The following TMCC1 variants were observed in gnomAD, a reference collection of about 807,000 sequenced individuals.
TMCC1 encodes the protein transmembrane and coiled-coil domain family 1, also known as transmembrane and coiled-coil domains protein 1.
TMCC1 carries 15 observed loss-of-function variants against 52.4 expected under a neutral mutation model. The observed-to-expected ratio is 0.29, with a 90% CI of 0.19 to 0.44. The LOEUF is 0.44. Ranked by LOEUF, TMCC1 falls within the 20% of genes least tolerant of loss-of-function variation. The pLI, the probability that TMCC1 is intolerant of heterozygous loss-of-function variation, is 1.00. For missense variants in TMCC1, 503 were observed against 806.0 expected, an observed-to-expected ratio of 0.62 and a Z score of 4.55; for synonymous variants, 279 against 301.9, an observed-to-expected ratio of 0.92 and a Z score of 0.79.
At chr3:129,731,984 C>T (rs941271994) in intron 4 of TMCC1, among the ~76,000 whole-genome samples, 3 of 152,198 alleles carry the variant, frequency 2.0e-5, no homozygotes, top group Non-Finnish European at 4.4e-5. Flanking sequence ...CTACACATCA[C>T]TTCATTCACA....
At chr3:129,722,293 C>T (rs750146653) in intron 4 of TMCC1, among the ~76,000 whole-genome samples, 13 of 152,070 alleles carry the variant, frequency 8.5e-5, no homozygotes, top group African/African-American at 1.7e-4. Flanking sequence ...TTATGAACTG[C>T]GCTTGCGAGG....
chr3:129,845,323 T>A (rs185159406), intron 2 of TMCC1, among the ~76,000 whole-genome samples: 151 of 151,486 alleles, frequency 1.0e-3, no homozygotes, highest in African/African-American at 3.4e-3. Flanking sequence ...GAGCAATCAA[T>A]AGAAGAAAAA....
At chr3:129,780,908 C>T (rs1229083813) in intron 4 of TMCC1, among the ~76,000 whole-genome samples, 2 of 152,012 alleles carry the variant, frequency 1.3e-5, no homozygotes, top group African/African-American at 2.4e-5. Flanking sequence ...CTACAGGTTG[C>T]TAGTTAAATT....
intron 4 of TMCC1, among the ~76,000 whole-genome samples, chr3:129,735,211 ATATTT>A (rs1192389290): frequency 1.3e-5 from 2 of 152,224 alleles, no homozygotes; most frequent in African/African-American, 4.8e-5. Flanking sequence ...TCTGTTTGAA[ATATTT>A]TATAACACAA....
At chr3:129,710,672 G>A (rs1301882977) in intron 4 of TMCC1, among the ~76,000 whole-genome samples, 2 of 152,078 alleles carry the variant, frequency 1.3e-5, no homozygotes, top group African/African-American at 4.8e-5. Context: ...TATGCTAAAC[G>A]CAAAAAACAA....
At chr3:129,718,408 CCT>C (rs1335071227) in intron 4 of TMCC1, among the ~76,000 whole-genome samples, 1 of 152,198 alleles carries the variant, frequency 6.6e-6, no homozygotes. Context: ...GTGACCAGTT[CCT>C]CTCTCCAGTA....
At chr3:129,662,762 G>A (rs1014206719) in intron 5 of TMCC1, among the ~76,000 whole-genome samples, 2 of 152,096 alleles carry the variant, frequency 1.3e-5, no homozygotes, top group African/African-American at 2.4e-5. Context: ...TGATGTTCAC[G>A]CACCTCCGCT....
chr3:129,751,717 C>T (rs371074472), intron 4 of TMCC1, among the ~76,000 whole-genome samples: 7 of 152,028 alleles, frequency 4.6e-5, no homozygotes, highest in South Asian at 2.1e-4. Context: ...CATGCCACTA[C>T]GCCCAGCTAA....
chr3:129,889,527 G>C (rs528073614), intron 1 of TMCC1, among the ~76,000 whole-genome samples: 1 of 152,324 alleles, frequency 6.6e-6, no homozygotes, highest in South Asian at 2.1e-4. Context: ...TGATCACAGG[G>C]ATGTAAGACG....
intron 4 of TMCC1, among the ~76,000 whole-genome samples, chr3:129,821,540 T>C (rs1286666134): frequency 2.0e-5 from 3 of 152,222 alleles, no homozygotes; most frequent in African/African-American, 7.2e-5. Context: ...AAGTTCATTT[T>C]ATGAGTTCAT....
chr3:129,834,306 T>C (rs2059056377), intron 2 of TMCC1, among the ~76,000 whole-genome samples: 1 of 152,166 alleles, frequency 6.6e-6, no homozygotes, highest in Non-Finnish European at 1.5e-5. Context: ...CATTTCTGAA[T>C]AGGGGAAATA....
chr3:129,748,193 G>A (rs1053742987), intron 4 of TMCC1, among the ~76,000 whole-genome samples: 2 of 149,374 alleles, frequency 1.3e-5, no homozygotes, highest in Admixed American at 1.3e-4. Context: ...TCTCAAAACT[G>A]TATTGAAATA....
chr3:129,849,461 CAAA>C (rs564418353), intron 2 of TMCC1, among the ~76,000 whole-genome samples: 1 of 132,710 alleles, frequency 7.5e-6, no homozygotes, highest in African/African-American at 2.9e-5. Flanking sequence ...GACTCCATCT[CAAA>C]AAAAAAAAAA....
At chr3:129,799,915 A>G (rs909885418) in intron 4 of TMCC1, among the ~76,000 whole-genome samples, 19 of 152,230 alleles carry the variant, frequency 1.2e-4, no homozygotes, top group African/African-American at 4.1e-4. Flanking sequence ...AAACACATTC[A>G]CTGTTATATA....
chr3:129,868,470 G>A (rs1420683881), intron 2 of TMCC1, among the ~76,000 whole-genome samples: 1 of 152,106 alleles, frequency 6.6e-6, no homozygotes. Context: ...ATAGAGTCTT[G>A]CTCTGTTGCC....
rs2086134209 is a variant in TMCC1 at position 129,648,216 on chromosome 3, T to A, written c.*3265A>T. On this transcript the variant is annotated 3_prime_UTR_variant, in exon 7 of 7. Transcript: ENST00000393238. The stretch of plus-strand genomic sequence containing the variant: ...TCCAAAGCTGAAAGGCAGCTCCTCA[T>A]TGGAACTCTCTCAGAACTCAGCATT... 1 of 152,250 alleles carries A rather than the reference T, an allele frequency of 6.6e-6. No homozygotes were observed. The allele number at this position is 152,250 out of a possible 1,614,324, so 9.4% of individuals were successfully genotyped here. A position where few individuals can be genotyped will look rare whatever the true frequency, so the allele number is the denominator to read the frequency against.
At chr3:129,810,232 C>T (rs930803921) in intron 4 of TMCC1, among the ~76,000 whole-genome samples, 2 of 151,986 alleles carry the variant, frequency 1.3e-5, no homozygotes, top group South Asian at 2.1e-4. Context: ...GTGGCGGGCA[C>T]GTGTAGTCCC....
At chr3:129,677,859 C>A (rs2088593281) in intron 4 of TMCC1, among the ~76,000 whole-genome samples, 1 of 152,196 alleles carries the variant, frequency 6.6e-6, no homozygotes, top group Non-Finnish European at 1.5e-5. Flanking sequence ...CTCACACTTC[C>A]CTTAATACTA....
chr3:129,756,274 T>C (rs1180170369), intron 4 of TMCC1, among the ~76,000 whole-genome samples: 2 of 149,938 alleles, frequency 1.3e-5, no homozygotes, highest in Middle Eastern at 3.4e-3. Flanking sequence ...CATCACTAAA[T>C]ACTGGAAGCA....
Sources: gnomAD v4.1 joint callset for allele counts (sites outside exome capture counted in the v4.1 genomes callset) on GRCh38, gnomAD v4.1.1 for gene constraint, MANE v1.5 for transcripts, NCBI Gene and HGNC (gene_info 2026-07-23, HGNC 2026-07-21) for gene names.